Variants in ACOXL observed in about 807,000 individuals in gnomAD.
The protein encoded by ACOXL is acyl-CoA oxidase like, also known as acyl-coenzyme A oxidase-like protein.
A neutral mutation model predicts 71.9 loss-of-function variants in ACOXL; 70 were observed. The ratio of observed to expected loss-of-function variants is 0.97; its 90% CI spans 0.80 to 1.19. The LOEUF (loss-of-function observed/expected upper bound fraction) is 1.19, where lower values mean the gene tolerates loss of function less well. Among genes scored for constraint, ACOXL ranks in the 50% most tolerant of loss-of-function variants. The probability of loss-of-function intolerance (pLI) is 0.00; values close to 1 mark genes in which losing one functional copy is unlikely to be tolerated. For missense variants in ACOXL, 703 were observed against 736.3 expected (o/e 0.95, Z 0.52); for synonymous variants, 253 against 281.6 (o/e 0.90, Z 1.02).
At chr2:110,876,882 C>T (rs1018472388) in intron 10 of ACOXL, among the ~76,000 whole-genome samples, 3 of 152,132 alleles carry the variant, frequency 2.0e-5, no homozygotes. Flanking sequence ...AGCTGACAGT[C>T]TAGTGGAGGA....
intron 10 of ACOXL, among the ~76,000 whole-genome samples, chr2:110,849,242 C>G (rs930745281): frequency 6.6e-6 from 1 of 152,222 alleles, no homozygotes; most frequent in East Asian, 1.9e-4. Context: ...TATGTCCTTA[C>G]AGCCAAGGCC....
At chr2:110,860,746 C>T (rs899874671) in intron 10 of ACOXL, among the ~76,000 whole-genome samples, 1 of 152,154 alleles carries the variant, frequency 6.6e-6, no homozygotes, top group African/African-American at 2.4e-5. Flanking sequence ...GAGAGAGACT[C>T]GAGTTCATGT....
intron 12 of ACOXL, among the ~76,000 whole-genome samples, chr2:110,948,211 C>G (rs1019438930): frequency 1.3e-5 from 2 of 152,240 alleles, no homozygotes; most frequent in African/African-American, 4.8e-5. Flanking sequence ...CAAACATGCA[C>G]TGATCCCTCC....
intron 1 of ACOXL, among the ~76,000 whole-genome samples, chr2:110,744,974 C>A (rs1490738155): frequency 6.6e-6 from 1 of 152,178 alleles, no homozygotes; most frequent in Admixed American, 6.5e-5. Context: ...AGAATCAAAC[C>A]TGCTCTGAAG....
chr2:110,900,086 T>TACACACACACACACACAC (rs60758688), intron 10 of ACOXL, among the ~76,000 whole-genome samples: 1 of 143,228 alleles, frequency 7.0e-6, no homozygotes, highest in African/African-American at 2.7e-5. Context: ...CACACACACA[T>TACACACACACACACACAC]ACACACACAC....
intron 11 of ACOXL, among the ~76,000 whole-genome samples, chr2:110,913,843 A>T (rs1057237964): frequency 5.3e-5 from 8 of 152,146 alleles, no homozygotes; most frequent in African/African-American, 1.9e-4. Flanking sequence ...GGTACCACAC[A>T]CTTGAAACAA....
intron 17 of ACOXL, among the ~76,000 whole-genome samples, chr2:111,110,544 T>C (rs151171442): frequency 6.6e-6 from 1 of 152,332 alleles, no homozygotes; most frequent in African/African-American, 2.4e-5. Flanking sequence ...GTTTCTGTGC[T>C]AGGAGTTCTT....
chr2:110,754,114 C>T (rs985455331), intron 1 of ACOXL, among the ~76,000 whole-genome samples: 2 of 149,464 alleles, frequency 1.3e-5, no homozygotes, highest in African/African-American at 5.0e-5. Context: ...ACTCTGTCAC[C>T]CAGGCTGGAG....
chr2:110,749,231 T>C (rs1467880603), intron 1 of ACOXL, among the ~76,000 whole-genome samples: 4 of 152,252 alleles, frequency 2.6e-5, no homozygotes, highest in African/African-American at 7.2e-5. Context: ...TTTCAGCTTT[T>C]TGTTTTCATT....
intron 15 of ACOXL, among the ~76,000 whole-genome samples, chr2:111,043,008 G>A (rs1223087627): frequency 6.6e-6 from 1 of 152,242 alleles, no homozygotes; most frequent in Non-Finnish European, 1.5e-5. Flanking sequence ...AGATCCCAGT[G>A]TTCGGAGCAG....
chr2:110,825,076 T>A (rs1370422023), intron 9 of ACOXL, among the ~76,000 whole-genome samples: 1 of 152,224 alleles, frequency 6.6e-6, no homozygotes, highest in Non-Finnish European at 1.5e-5. Flanking sequence ...TGCTTTGAGT[T>A]TGTCCCATGA....
intron 14 of ACOXL, among the ~76,000 whole-genome samples, chr2:111,021,282 G>A (rs528093515): frequency 1.3e-5 from 2 of 152,306 alleles, no homozygotes; most frequent in South Asian, 4.1e-4. Context: ...GCTGGCCCCC[G>A]AATCCGGGAT....
At chr2:111,009,581 A>C (rs1195280852) in intron 14 of ACOXL, among the ~76,000 whole-genome samples, 1 of 152,128 alleles carries the variant, frequency 6.6e-6, no homozygotes, top group African/African-American at 2.4e-5. Context: ...AAAATGAAGG[A>C]GGAACATCCC....
intron 14 of ACOXL, among the ~76,000 whole-genome samples, chr2:111,008,976 T>A (rs983601810): frequency 6.6e-6 from 1 of 152,224 alleles, no homozygotes; most frequent in Non-Finnish European, 1.5e-5. Flanking sequence ...GAAGAGTACT[T>A]TCTACATTAA....
intron 17 of ACOXL, among the ~76,000 whole-genome samples, chr2:111,101,656 G>GAAA (rs528603046): frequency 7.2e-6 from 1 of 138,784 alleles, no homozygotes; most frequent in Non-Finnish European, 1.6e-5. Flanking sequence ...GAATTTGAGG[G>GAAA]AAAAAAAAAA....
At chr2:110,902,191 C>T (rs1027844354) in intron 10 of ACOXL, among the ~76,000 whole-genome samples, 1 of 152,084 alleles carries the variant, frequency 6.6e-6, no homozygotes, top group Non-Finnish European at 1.5e-5. Flanking sequence ...AAAAACAGGG[C>T]TGGGCACAGT....
chr2:110,966,955 A>G (rs1297871840), intron 12 of ACOXL, among the ~76,000 whole-genome samples: 1 of 152,220 alleles, frequency 6.6e-6, no homozygotes, highest in Non-Finnish European at 1.5e-5. Context: ...TCAAGATTAA[A>G]TGTCATCTCA....
chr2:110,903,458 T>G (rs1000519055), intron 10 of ACOXL, among the ~76,000 whole-genome samples: 44 of 152,378 alleles, frequency 2.9e-4, no homozygotes, highest in African/African-American at 9.9e-4. Flanking sequence ...CACAGCACTC[T>G]GCGAGCCCGG....
chr2:110,988,819 T>A (rs1192571085), intron 13 of ACOXL, among the ~76,000 whole-genome samples: 3 of 151,776 alleles, frequency 2.0e-5, no homozygotes, highest in Non-Finnish European at 4.4e-5. Flanking sequence ...TATTTCTTCC[T>A]GTGTAAAATG....
Sources: allele counts gnomAD v4.1 joint callset (sites outside exome capture counted in the v4.1 genomes callset), GRCh38; gene constraint gnomAD v4.1.1; transcripts MANE v1.5; gene names NCBI Gene and HGNC (gene_info 2026-07-23, HGNC 2026-07-21).